CCDC33: variants seen among roughly 807,000 people sequenced by gnomAD.
The protein encoded by CCDC33 is coiled-coil domain-containing protein 33.
A neutral mutation model predicts 91.9 loss-of-function variants in CCDC33; 94 were observed. That is an observed-to-expected ratio of 1.02 (90% CI 0.87 to 1.21). The LOEUF is 1.21. Among genes scored for constraint, CCDC33 ranks in the 50% most tolerant of loss-of-function variants. The probability of loss-of-function intolerance (pLI) is 0.00; values close to 1 mark genes in which losing one functional copy is unlikely to be tolerated. For missense variants in CCDC33, 940 were observed against 935.5 expected (o/e 1.00, Z -0.06); for synonymous variants, 396 against 374.5 (o/e 1.06, Z -0.66).
At chr15:74,229,338 C>A (rs1370488836) in intron 2 of CCDC33, among the ~76,000 whole-genome samples, 1 of 152,042 alleles carries the variant, frequency 6.6e-6, no homozygotes, top group African/African-American at 2.4e-5. Context: ...ACTAAAAATA[C>A]AAAAATTAGC....
At chr15:74,215,578 A>G (rs1342808364), upstream of CCDC33, among the ~76,000 whole-genome samples, 1 of 152,054 alleles carries the variant, frequency 6.6e-6, no homozygotes, top group Non-Finnish European at 1.5e-5. Context: ...ACACACACCA[A>G]AAAAAAGTAC....
intron 10 of CCDC33, among the ~76,000 whole-genome samples, chr15:74,289,226 T>C (rs979040266): frequency 6.6e-6 from 1 of 152,178 alleles, no homozygotes; most frequent in Non-Finnish European, 1.5e-5. Flanking sequence ...TGCAATTTTC[T>C]GAGAATGAAA....
intron 2 of CCDC33, among the ~76,000 whole-genome samples, chr15:74,255,444 G>C (rs1359916781): frequency 6.6e-6 from 1 of 152,254 alleles, no homozygotes; most frequent in Non-Finnish European, 1.5e-5. Context: ...GGCAGGCTGT[G>C]GCCTACCCCT....
intron 10 of CCDC33, among the ~76,000 whole-genome samples, chr15:74,292,357 C>T (rs2059600862): frequency 6.6e-6 from 1 of 152,222 alleles, no homozygotes; most frequent in South Asian, 2.1e-4. Flanking sequence ...CAGGCAAGCT[C>T]CCTTCCTTGA....
intron 5 of CCDC33, among the ~76,000 whole-genome samples, chr15:74,271,308 C>T (rs2076309120): frequency 6.6e-6 from 1 of 152,120 alleles, no homozygotes; most frequent in South Asian, 2.1e-4. Flanking sequence ...TGACAGAAAC[C>T]AAGGAGCTGG....
In CCDC33 at chr15:74,316,366, G is replaced by A. The variant is rs571347548; in HGVS notation, c.1291-13823G>A. On this transcript the variant is annotated intron_variant, in intron 11 of 18. Coordinates refer to ENST00000398814, the MANE Select transcript of CCDC33 (RefSeq NM_025055.5). This position sits in a 1 kb window ranked among gnomAD's most constrained non-coding sequence, Gnocchi z 4.7. The stretch of plus-strand genomic sequence containing the variant: ...GGCTGAGCTCAGTGCATGCCTCTGC[G>A]TAGTGCATTATTGATGGGGCTTCTA... Among the ~76,000 whole-genome samples the A allele has an allele frequency of 5.9e-5, 9 of 152,362 alleles. 1 individual carries two copies. Among genetic ancestry groups the A allele is most frequent in the Admixed American group, 3.9e-4 (6 of 15,306 alleles).
chr15:74,217,612 GA>G (rs1467840950), intron 1 of CCDC33: 1 of 1,193,112 alleles, frequency 8.4e-7, no homozygotes, highest in Non-Finnish European at 1.1e-6. Flanking sequence ...TTGGGGGAGA[GA>G]AAGACCCTGG....
intron 1 of CCDC33, among the ~76,000 whole-genome samples, chr15:74,205,660 G>C (rs2074243229): frequency 6.6e-6 from 1 of 152,188 alleles, no homozygotes; most frequent in Non-Finnish European, 1.5e-5. Context: ...AGGCAATCAG[G>C]TTGCCTGAAG....
Position 74,280,002 on chromosome 15 carries a change from A to C in CCDC33, c.799A>C (p.Asn267His), listed in dbSNP as rs1166497454. Residue 267 changes from asparagine to histidine, a missense_variant, in exon 8 of 19, where the codon AAT (asparagine) becomes CAT (histidine). Physicochemically the swap from Asn to His is moderately conservative, Grantham distance 68 (BLOSUM62 1). Coordinates refer to ENST00000398814, the MANE Select transcript of CCDC33 (RefSeq NM_025055.5). Reference protein sequence around the residue: ...PGGPPEQPLWNQSFLFQGRDG... With the variant: ...PGGPPEQPLWHQSFLFQGRDG... ...GGGACCCCCAGAGCAGCCCCTGTGG[A>C]ATCAGTCCTTCCTCTTCCAAGGCCG... 6.2e-7 allele frequency: 1 copy of C among 1,613,992 alleles called. No homozygotes were observed. The highest frequency in any genetic ancestry group is 8.5e-7 in the Non-Finnish European group (1 of 1,180,002).
chr15:74,284,624 T>A (rs774847958), intron 10 of CCDC33, among the ~76,000 whole-genome samples: 4 of 152,204 alleles, frequency 2.6e-5, no homozygotes, highest in Non-Finnish European at 5.9e-5. Flanking sequence ...TTCTAAAGCT[T>A]GCATTCTTAG....
intron 5 of CCDC33, 25 bp downstream of exon 5, chr15:74,268,483 G>T (rs756525907): frequency 1.4e-6 from 2 of 1,429,706 alleles, no homozygotes; most frequent in South Asian, 1.2e-5. Context: ...GCCCTCTGGG[G>T]TGGTGGTGGG....
Position 74,236,502 on chromosome 15 carries a change from C to T in CCDC33, c.-218C>T, listed in dbSNP as rs2075160541. The T allele has an allele frequency of 2.1e-6, 1 of 485,622 alleles. No individual in the cohort carries two copies. The highest frequency in any genetic ancestry group is 3.5e-5 in the Admixed American group (1 of 28,886). The allele number at this position is 485,622 out of a possible 1,614,324, so 30.1% of individuals were successfully genotyped here. A position where few individuals can be genotyped will look rare whatever the true frequency, so the allele number is the denominator to read the frequency against. On this transcript the variant is annotated 5_prime_UTR_variant, in exon 1 of 19. Transcript: ENST00000398814. ...CTGCTGAGAGATCCAGGACCTGCTC[C>T]CACCTGGCCACCCTCCCCCTCCCCC...
intron 2 of CCDC33, among the ~76,000 whole-genome samples, chr15:74,222,162 G>A (rs1380273425): frequency 2.6e-5 from 4 of 152,208 alleles, no homozygotes; most frequent in Non-Finnish European, 4.4e-5. Context: ...GGCTCTCAGA[G>A]GCCACAACGC....
intron 16 of CCDC33, 46 bp downstream of exon 16, chr15:74,332,891 C>T (rs371873553): frequency 1.3e-6 from 2 of 1,591,944 alleles, no homozygotes; most frequent in Admixed American, 3.4e-5. Flanking sequence ...TCACTGGGTG[C>T]CCAGAAATCA....
chr15:74,322,963 G>C (rs1054240477), intron 11 of CCDC33, among the ~76,000 whole-genome samples: 2 of 152,148 alleles, frequency 1.3e-5, no homozygotes, highest in African/African-American at 2.4e-5. Flanking sequence ...CTCAGACCCA[G>C]CAACCTGTCT....
intron 2 of CCDC33, among the ~76,000 whole-genome samples, chr15:74,257,242 G>T (rs1315411011): frequency 6.6e-6 from 1 of 152,250 alleles, no homozygotes; most frequent in East Asian, 1.9e-4. Flanking sequence ...TAACAGCCCT[G>T]CTCATGCCTT....
intron 1 of CCDC33, among the ~76,000 whole-genome samples, chr15:74,242,016 G>A (rs897528259): frequency 3.9e-5 from 6 of 152,216 alleles, no homozygotes; most frequent in African/African-American, 1.2e-4. Context: ...TGTTGAGGGG[G>A]TGTGTGGCTC....
At chr15:74,274,701 G>C (rs79397498) in intron 7 of CCDC33, among the ~76,000 whole-genome samples, 1 of 152,216 alleles carries the variant, frequency 6.6e-6, no homozygotes, top group Non-Finnish European at 1.5e-5. Context: ...AGGGGCAAGA[G>C]GCACTGCCTG....
intron 2 of CCDC33, among the ~76,000 whole-genome samples, chr15:74,249,808 C>G (rs1264497030): frequency 6.6e-6 from 1 of 152,134 alleles, no homozygotes; most frequent in Non-Finnish European, 1.5e-5. Flanking sequence ...GTCTCTGAGT[C>G]CATTCTTTGG....
Sources: allele counts gnomAD v4.1 joint callset (sites outside exome capture counted in the v4.1 genomes callset), GRCh38; gene constraint gnomAD v4.1.1; non-coding constraint Gnocchi (gnomAD v3.1); transcripts MANE v1.5; gene names NCBI Gene and HGNC (gene_info 2026-07-23, HGNC 2026-07-21).